Variants in UMODL1 observed in about 807,000 individuals in gnomAD.
UMODL1 encodes the protein uromodulin-like 1.
Under a neutral mutation model 136.3 loss-of-function variants are expected in UMODL1, and 128 were observed. The ratio of observed to expected loss-of-function variants is 0.94; its 90% CI spans 0.81 to 1.09. UMODL1 has a LOEUF of 1.09. Ranked by LOEUF, UMODL1 falls within the 50% of genes least tolerant of loss-of-function variation. The pLI, the probability that UMODL1 is intolerant of heterozygous loss-of-function variation, is 0.00. For missense variants in UMODL1, 1,766 were observed against 1,725.6 expected, an observed-to-expected ratio of 1.02 and a Z score of -0.41; for synonymous variants, 721 against 720.0, an observed-to-expected ratio of 1.00 and a Z score of -0.02.
intron 12 of UMODL1, among the ~76,000 whole-genome samples, chr21:42,112,603 C>T (rs2066850099): frequency 1.3e-5 from 2 of 151,828 alleles, no homozygotes; most frequent in Non-Finnish European, 2.9e-5. Context: ...TGTATCTCCC[C>T]AGCTCTTCTG....
At chr21:42,106,352 CAA>C (rs1049800979) in intron 9 of UMODL1, among the ~76,000 whole-genome samples, 1 of 152,188 alleles carries the variant, frequency 6.6e-6, no homozygotes, top group Non-Finnish European at 1.5e-5. Flanking sequence ...AACGAAAACA[CAA>C]AAAGAGCTCC....
At chr21:42,064,293 G>C (rs909946838) in intron 1 of UMODL1, among the ~76,000 whole-genome samples, 4 of 152,196 alleles carry the variant, frequency 2.6e-5, no homozygotes, top group African/African-American at 9.7e-5. Flanking sequence ...AGAGCAAAAG[G>C]GCTGCCCCTT....
intron 6 of UMODL1, among the ~76,000 whole-genome samples, chr21:42,094,911 C>T (rs1487676209): frequency 6.6e-6 from 1 of 151,958 alleles, no homozygotes; most frequent in African/African-American, 2.4e-5. Context: ...GAAATGTATC[C>T]TCTCACAGTT....
At position 42,123,636 on chromosome 21, in the gene UMODL1, C is replaced by T. The variant is rs538913272; in HGVS notation, c.3147+486C>T. On this transcript the variant is annotated intron_variant, in intron 17 of 22. Coordinates refer to ENST00000408910, the MANE Select transcript of UMODL1 (RefSeq NM_001004416.3). This position sits in a 1 kb window ranked among gnomAD's most constrained non-coding sequence, Gnocchi z 4.4. ...GCATGGCTGTGCTTATATGTACGTGCGTGTGTGTGTGCATGTGTATCGCGT... is the reference window on the plus strand; with the variant it reads ...GCATGGCTGTGCTTATATGTACGTGTGTGTGTGTGTGCATGTGTATCGCGT... 8.6e-5 allele frequency among the ~76,000 whole-genome samples: 13 copies of T among 151,096 alleles called. No homozygotes were observed. The highest frequency in any genetic ancestry group is 1.9e-4 in the East Asian group (1 of 5,154).
chr21:42,123,547 G>A lies in UMODL1; in HGVS notation c.3147+397G>A, dbSNP rs567655219. On this transcript the variant is annotated intron_variant, in intron 17 of 22. Transcript: ENST00000408910. The surrounding 1 kb of genome is among the most constrained non-coding windows in gnomAD (Gnocchi z 4.4). ...TCTGAATATGTCTGTGTATGTGGGGGTGTGCATGTGTGTGAATGTGTGTAA... is the reference window on the plus strand; with the variant it reads ...TCTGAATATGTCTGTGTATGTGGGGATGTGCATGTGTGTGAATGTGTGTAA... 6.6e-6 allele frequency among the ~76,000 whole-genome samples: 1 copy of A among 152,044 alleles called. No individual in the cohort carries two copies. The highest frequency in any genetic ancestry group is 1.9e-4 in the East Asian group (1 of 5,172).
At chr21:42,064,150 C>T (rs1471368882) in intron 1 of UMODL1, among the ~76,000 whole-genome samples, 1 of 152,172 alleles carries the variant, frequency 6.6e-6, no homozygotes, top group East Asian at 1.9e-4. Flanking sequence ...GTTGGCAGTT[C>T]AGCCCAACAG....
Position 42,122,883 on chromosome 21 carries a change from C to T in UMODL1, c.2880C>T (p.Thr960=), listed in dbSNP as rs1388477617. The change falls in exon 17 of 23, where the codon ACC becomes ACT. Residue 960 remains threonine, a synonymous_variant. Transcript: ENST00000408910. The surrounding 1 kb of genome is among the most constrained non-coding windows in gnomAD (Gnocchi z 4.3). The part of the protein sequence containing the change: ...TWATSPERPL[T]TAGTKAAFVQ... ...CCACCAGCCCAGAGAGGCCTCTCAC[C>T]ACAGCAGGGACCAAGGCTGCCTTTG... 1 of 1,613,452 alleles carries T rather than the reference C, an allele frequency of 6.2e-7. No homozygotes were observed. Among genetic ancestry groups the T allele is most frequent in the East Asian group, 2.2e-5 (1 of 44,864 alleles).
chr21:42,075,160 A>C (rs1211740437), intron 1 of UMODL1, among the ~76,000 whole-genome samples: 1 of 152,020 alleles, frequency 6.6e-6, no homozygotes, highest in Non-Finnish European at 1.5e-5. Flanking sequence ...GGCCTCCCAA[A>C]GTGCTGGGAT....
At chr21:42,084,496 A>G (rs902225618) in intron 3 of UMODL1, among the ~76,000 whole-genome samples, 9 of 152,122 alleles carry the variant, frequency 5.9e-5, no homozygotes, top group Admixed American at 5.2e-4. Flanking sequence ...CTTCTGGTGG[A>G]GCAGAGACCC....
chr21:42,067,990 G>A (rs548829004), upstream of UMODL1, among the ~76,000 whole-genome samples: 33 of 152,340 alleles, frequency 2.2e-4, no homozygotes, highest in Admixed American at 7.2e-4. Flanking sequence ...GTGAGTGAGG[G>A]AGAGAGAGAT....
At position 42,085,129 on chromosome 21, in the gene UMODL1, TC is replaced by T. The variant is rs1464975990; in HGVS notation, c.482-157del. On this transcript the variant is annotated intron_variant, in intron 3 of 22. Coordinates refer to ENST00000408910, the MANE Select transcript of UMODL1 (RefSeq NM_001004416.3). This position sits in a 1 kb window ranked among gnomAD's most constrained non-coding sequence, Gnocchi z 4.5. The stretch of plus-strand genomic sequence containing the variant: ...GAGCGAGGGGCGGGCAGTGAGGACA[TC>T]CCCCGTCTCCTGTGGTAGATGTCTT... Among the ~76,000 whole-genome samples the T allele has an allele frequency of 6.6e-6, 1 of 151,946 alleles. No homozygotes were observed. Among genetic ancestry groups the T allele is most frequent in the East Asian group, 1.9e-4 (1 of 5,176 alleles).
chr21:42,092,972 C>T (rs2066509808), intron 6 of UMODL1, among the ~76,000 whole-genome samples: 1 of 152,166 alleles, frequency 6.6e-6, no homozygotes, highest in Admixed American at 6.5e-5. Flanking sequence ...GGCTGTCTTC[C>T]CTAGGAGCCC....
At chr21:42,074,662 T>C (rs1034965037) in intron 1 of UMODL1, among the ~76,000 whole-genome samples, 3 of 152,172 alleles carry the variant, frequency 2.0e-5, no homozygotes, top group Non-Finnish European at 4.4e-5. Flanking sequence ...GTAAACCTGA[T>C]GCTTGTCCTG....
At chr21:42,112,256 C>T (rs1016357462) in intron 12 of UMODL1, among the ~76,000 whole-genome samples, 3 of 151,254 alleles carry the variant, frequency 2.0e-5, no homozygotes, top group Non-Finnish European at 4.4e-5. Context: ...TTCTGCACCC[C>T]CGGCTCTTCT....
intron 8 of UMODL1, 83 bp from the exon 9 acceptor site, chr21:42,103,785 A>T (rs1388620935): frequency 6.6e-7 from 1 of 1,504,270 alleles, no homozygotes; most frequent in African/African-American, 1.4e-5. Context: ...GGCTCCAAGC[A>T]CCATCCATCG....
At chr21:42,118,978 C>A in intron 14 of UMODL1, 133 bp from the exon 15 acceptor site, 1 of 844,040 alleles carries the variant, frequency 1.2e-6, no homozygotes. Context: ...GGGCCCAGAA[C>A]CAACCTGTGG....
At chr21:42,096,303 G>A (rs561825264) in intron 6 of UMODL1, among the ~76,000 whole-genome samples, 1 of 152,290 alleles carries the variant, frequency 6.6e-6, no homozygotes, top group South Asian at 2.1e-4. Flanking sequence ...ATCTCTCTTA[G>A]TTGCAAAAGT....
Position 42,111,730 on chromosome 21 carries a change from C to T in UMODL1, c.2104+20C>T, listed in dbSNP as rs760809297. The T allele has an allele frequency of 3.8e-6, 6 of 1,595,036 alleles. No homozygotes were observed. The highest frequency in any genetic ancestry group is 2.3e-5 in the South Asian group (2 of 88,304). On this transcript the variant is annotated intron_variant, in intron 12 of 22. Coordinates refer to ENST00000408910, the MANE Select transcript of UMODL1 (RefSeq NM_001004416.3). ...CCTGTGGTGAGTTCCTCGAATGGTG[C>T]ATGGGGACTAGGACTAATAGGACCC...
At chr21:42,103,018 C>T (rs764134826) in intron 8 of UMODL1, 1 of 155,614 alleles carries the variant, frequency 6.4e-6, no homozygotes, top group Admixed American at 6.2e-5. Flanking sequence ...TGAGGAACCC[C>T]AACTCTAGGG....
Sources: allele counts gnomAD v4.1 joint callset (sites outside exome capture counted in the v4.1 genomes callset), GRCh38; gene constraint gnomAD v4.1.1; non-coding constraint Gnocchi (gnomAD v3.1); transcripts MANE v1.5; gene names NCBI Gene and HGNC (gene_info 2026-07-23, HGNC 2026-07-21).